The following GCN1 variants were observed in gnomAD, a reference collection of about 807,000 sequenced individuals.
GCN1 encodes the protein stalled ribosome sensor GCN1.
Under a neutral mutation model 288.4 loss-of-function variants are expected in GCN1, and 90 were observed. The observed-to-expected ratio is 0.31, with a 90% CI of 0.26 to 0.37. The LOEUF (loss-of-function observed/expected upper bound fraction) is 0.37, where lower values mean the gene tolerates loss of function less well. Among genes scored for constraint, GCN1 ranks in the 10% least tolerant of loss-of-function variants. GCN1 has a pLI of 1.00. For missense variants in GCN1, 2,586 were observed against 3,419.9 expected (o/e 0.76, Z 6.08); for synonymous variants, 1,386 against 1,420.2 (o/e 0.98, Z 0.54).
At chr12:120,161,467 C>G (rs773462739) in intron 22 of GCN1, 23 bp downstream of exon 22, 1 of 1,539,196 alleles carries the variant, frequency 6.5e-7, no homozygotes, top group Admixed American at 1.7e-5. Flanking sequence ...AGCCACCTTC[C>G]GTAAGTGCCT....
At chr12:120,143,840 A>G (rs1324397391) in intron 42 of GCN1, among the ~76,000 whole-genome samples, 1 of 152,256 alleles carries the variant, frequency 6.6e-6, no homozygotes, top group Non-Finnish European at 1.5e-5. Context: ...ATCAGAATAA[A>G]GACATTGCTA....
rs1877223698 is a variant in GCN1, at chr12:120,142,350, AT to A, written c.5829+156del. On this transcript the variant is annotated intron_variant, in intron 44 of 57. Transcript: ENST00000300648. This position sits in a 1 kb window ranked among gnomAD's most constrained non-coding sequence, Gnocchi z 4.9. ...CAAAAAAATAAATAAAATAAAATTAATCAAAAAATATTTGCAGAATGACTAA... is the reference window on the plus strand; with the variant it reads ...CAAAAAAATAAATAAAATAAAATTAACAAAAAATATTTGCAGAATGACTAA... Among the ~76,000 whole-genome samples, 1 of 152,174 alleles carries A rather than the reference AT, an allele frequency of 6.6e-6. No individual in the cohort carries two copies. The highest frequency in any genetic ancestry group is 1.5e-5 in the Non-Finnish European group (1 of 68,034).
chr12:120,131,563 T>C (rs1203800258), intron 54 of GCN1, among the ~76,000 whole-genome samples: 1 of 152,248 alleles, frequency 6.6e-6, no homozygotes, highest in Non-Finnish European at 1.5e-5. Flanking sequence ...GGCTTACAGC[T>C]GTGTTCTTTG....
In GCN1 at chr12:120,156,449, C is replaced by G; in HGVS notation, c.3312+12G>C. On this transcript the variant is annotated intron_variant, in intron 28 of 57. Transcript: ENST00000300648. This position sits in a 1 kb window ranked among gnomAD's most constrained non-coding sequence, Gnocchi z 5.8. Reference sequence around the variant, plus strand: ...AAGGGACACTGCAGTGGCTCTGAGACTGAGCACACACCCGGAGCACGGTTT... The same window carrying G: ...AAGGGACACTGCAGTGGCTCTGAGAGTGAGCACACACCCGGAGCACGGTTT... 6.2e-7 allele frequency: 1 copy of G among 1,613,028 alleles called. No homozygotes were observed. The highest frequency in any genetic ancestry group is 1.1e-5 in the South Asian group (1 of 91,034).
chr12:120,152,411 A>ACACAC (rs1555300599), intron 33 of GCN1, among the ~76,000 whole-genome samples: 1 of 132,612 alleles, frequency 7.5e-6, no homozygotes, highest in African/African-American at 2.9e-5. Flanking sequence ...ACACACACAC[A>ACACAC]AAATATATAT....
chr12:120,145,922 G>A (rs1877346453), intron 38 of GCN1, among the ~76,000 whole-genome samples: 1 of 152,040 alleles, frequency 6.6e-6, no homozygotes, highest in South Asian at 2.1e-4. Context: ...GTTATAACTT[G>A]GGAATAAGTT....
At chr12:120,146,648 A>G (rs1335790917) in intron 38 of GCN1, among the ~76,000 whole-genome samples, 2 of 152,186 alleles carry the variant, frequency 1.3e-5, no homozygotes, top group East Asian at 3.8e-4. Context: ...GAGACCACAC[A>G]TGTGAGCTCC....
chr12:120,192,766 C>T (rs1239934447), intron 1 of GCN1, among the ~76,000 whole-genome samples: 3 of 142,342 alleles, frequency 2.1e-5, no homozygotes, highest in Admixed American at 7.1e-5. Flanking sequence ...AAGACAAGGC[C>T]GGGCATGGTG....
intron 16 of GCN1, among the ~76,000 whole-genome samples, chr12:120,166,394 A>ATC (rs1566312103): frequency 6.9e-5 from 7 of 101,274 alleles, no homozygotes; most frequent in South Asian, 3.2e-4. Flanking sequence ...ACAGAGTGAG[A>ATC]CTGTCTCAAA....
rs1877944897 is a variant in GCN1, at chr12:120,161,910, C to G, written c.2312G>C (p.Gly771Ala). Residue 771 changes from glycine to alanine, a missense_variant, in exon 21 of 58, where the codon GGG (glycine) becomes GCG (alanine). By Grantham distance (60) the Gly-to-Ala change is moderately conservative. This residue lies in a region of GCN1 where 913 missense variants were observed against 1,107.0 expected (regional missense o/e 0.82). Transcript: ENST00000300648. ...AATGATGGATTTGTCATACAGCTCC[C>G]CAGCAGGGGTCTGCATAATGGCAAA... is the stretch of plus-strand genomic sequence containing the variant. ...EEFAIMQTPA[G>A]ELYDKSIIQS... 2 of 1,613,972 alleles carry G rather than the reference C, an allele frequency of 1.2e-6. No individual in the cohort carries two copies. Among genetic ancestry groups the G allele is most frequent in the Admixed American group, 1.7e-5 (1 of 59,994 alleles).
intron 37 of GCN1, among the ~76,000 whole-genome samples, chr12:120,147,696 G>A (rs991147680): frequency 1.3e-5 from 2 of 152,174 alleles, no homozygotes; most frequent in African/African-American, 4.8e-5. Flanking sequence ...CCAGACTGAA[G>A]TACTGACTGG....
At chr12:120,174,197 CT>C in intron 12 of GCN1, 28 bp from the exon 13 acceptor site, 1 of 1,266,482 alleles carries the variant, frequency 7.9e-7, no homozygotes, top group South Asian at 1.2e-5. Context: ...TGTTCAGTCT[CT>C]TATCAGCACA....
chr12:120,143,362 C>G (rs1403907283), intron 42 of GCN1, among the ~76,000 whole-genome samples: 1 of 152,126 alleles, frequency 6.6e-6, no homozygotes, highest in African/African-American at 2.4e-5. Context: ...GCAGGCGGAT[C>G]ACCTGAGGTC....
At chr12:120,171,562 A>G (rs575371564) in intron 14 of GCN1, among the ~76,000 whole-genome samples, 2 of 152,352 alleles carry the variant, frequency 1.3e-5, no homozygotes, top group South Asian at 2.1e-4. Flanking sequence ...AAATGGGTAC[A>G]TCAGAACATT....
chr12:120,145,085 A>C, intron 39 of GCN1, 24 bp from the exon 40 acceptor site: 1 of 1,613,788 alleles, frequency 6.2e-7, no homozygotes, highest in South Asian at 1.1e-5. Flanking sequence ...GAGAGCAGAG[A>C]TGGTGTGAGA....
rs77357169 is a variant in GCN1, at chr12:120,186,653, T to G, written c.122-1766A>C. Among the ~76,000 whole-genome samples the G allele has an allele frequency of 2.0e-5, 3 of 152,264 alleles. No homozygotes were observed. The East Asian group carries it at 5.8e-4, about 29-fold the overall frequency. ...TGACCACTGCATTGGTCCATGTGAT[T>G]TGGGGCTATTTCAGTAACTGGGGAA... On this transcript the variant is annotated intron_variant, in intron 2 of 57. Coordinates refer to ENST00000300648, the MANE Select transcript of GCN1 (RefSeq NM_006836.2).
rs1161215484 is a variant in GCN1, at chr12:120,153,888, G to A, written c.3723C>T (p.Leu1241=). 13 of 1,614,052 alleles carry A rather than the reference G, an allele frequency of 8.1e-6. No individual in the cohort carries two copies. Among genetic ancestry groups the A allele is most frequent in the Non-Finnish European group, 1.1e-5 (13 of 1,179,942 alleles). Reference sequence around the variant, plus strand: ...TGTCCAAATACTGGGAGAGCTTGTTGAGGGCCAACGCCAAGCCACACCTGG... The same window carrying A: ...TGTCCAAATACTGGGAGAGCTTGTTAAGGGCCAACGCCAAGCCACACCTGG... ...WEARCGLALA[L]NKLSQYLDSS... The change falls in exon 32 of 58, where the codon CTC becomes CTT. Residue 1241 remains leucine, a synonymous_variant. Coordinates refer to ENST00000300648, the MANE Select transcript of GCN1 (RefSeq NM_006836.2). This position sits in a 1 kb window ranked among gnomAD's most constrained non-coding sequence, Gnocchi z 4.4.
At chr12:120,188,452 A>C (rs1416601263) in intron 2 of GCN1, among the ~76,000 whole-genome samples, 1 of 151,064 alleles carries the variant, frequency 6.6e-6, no homozygotes, top group Non-Finnish European at 1.5e-5. Flanking sequence ...AAAAAAAAAA[A>C]AAAAAACCTC....
rs368966894 is a variant in GCN1 at position 120,156,478 on chromosome 12, G to A, written c.3295C>T (p.Arg1099Trp). The change falls in exon 28 of 58, where the codon CGG becomes TGG. Residue 1099 changes from arginine to tryptophan, a missense_variant. This residue lies in a region of GCN1 where 332 missense variants were observed against 403.0 expected (regional missense o/e 0.82). Coordinates refer to ENST00000300648, the MANE Select transcript of GCN1 (RefSeq NM_006836.2). This position sits in a 1 kb window ranked among gnomAD's most constrained non-coding sequence, Gnocchi z 5.8. ...CALQSPCASV[R>W]ETVLRGLMEL... ...GCACACACCCGGAGCACGGTTTCCC[G>A]CACGCTGGCACACGGGGACTGCAAG... 8 of 1,613,800 alleles carry A rather than the reference G, an allele frequency of 5.0e-6. No individual in the cohort carries two copies. Among genetic ancestry groups the A allele is most frequent in the Non-Finnish European group, 5.9e-6 (7 of 1,179,908 alleles).
Sources: gnomAD v4.1 joint callset for allele counts (sites outside exome capture counted in the v4.1 genomes callset) on GRCh38, gnomAD v4.1.1 for gene constraint, gnomAD v4.1.1 regional missense constraint, Gnocchi (gnomAD v3.1) non-coding constraint, MANE v1.5 for transcripts, NCBI Gene and HGNC (gene_info 2026-07-23, HGNC 2026-07-21) for gene names.